The following OR2L13 variants were observed in gnomAD, a reference collection of about 807,000 sequenced individuals.
OR2L13 encodes olfactory receptor family 2 subfamily L member 13.
OR2L13 carries 14 observed loss-of-function variants against 15.3 expected under a neutral mutation model. The ratio of observed to expected loss-of-function variants is 0.91; its 90% confidence interval spans 0.60 to 1.43. OR2L13 has a LOEUF of 1.43. Among genes scored for constraint, OR2L13 ranks in the 40% most tolerant of loss-of-function variants. The probability of loss-of-function intolerance (pLI) is 0.00; values close to 1 mark genes in which losing one functional copy is unlikely to be tolerated. For missense variants in OR2L13, 367 were observed against 387.9 expected (o/e 0.95, Z 0.45); for synonymous variants, 152 against 142.9 (o/e 1.06, Z -0.45).
chr1:248,085,414 A>T, the OR2L13 span, among the ~76,000 whole-genome samples: 1 of 52,618 alleles, frequency 1.9e-5, no homozygotes, highest in African/African-American at 8.5e-5. Flanking sequence ...AAAATAAAAT[A>T]AAATAATAAA....
chr1:248,045,467 C>A, the OR2L13 span, among the ~76,000 whole-genome samples: 1 of 152,124 alleles, frequency 6.6e-6, no homozygotes, highest in Non-Finnish European at 1.5e-5. Context: ...AAAAGTCTTT[C>A]TTTTTTACAG....
the OR2L13 span, among the ~76,000 whole-genome samples, chr1:248,000,123 G>GGTGTGTGTGTGTGTGTGT: frequency 0.057 from 7,897 of 138,028 alleles, 258 homozygotes; most frequent in East Asian, 0.13. Flanking sequence ...TTTTTTTTTT[G>GGTGTGTGTGTGTGTGTGT]GTGTGTGTGT....
the OR2L13 span, chr1:248,004,191 A>AT: frequency 1.3e-6 from 1 of 783,498 alleles, no homozygotes; most frequent in African/African-American, 1.7e-5. Flanking sequence ...AAGAAAAAAA[A>AT]ATCACTGATT....
At chr1:248,021,909 C>T in the OR2L13 span, 1 of 1,531,616 alleles carries the variant, frequency 6.5e-7, no homozygotes. Context: ...CTTGACTTAC[C>T]CTTGTGTCTC....
chr1:248,083,760 A>G, the OR2L13 span: 6 of 1,614,044 alleles, frequency 3.7e-6, no homozygotes, highest in Non-Finnish European at 5.1e-6. Context: ...TAAAGGGGTG[A>G]ACATACTATA....
chr1:248,048,774 C>T, the OR2L13 span, among the ~76,000 whole-genome samples: 4 of 152,076 alleles, frequency 2.6e-5, no homozygotes, highest in Non-Finnish European at 4.4e-5. Context: ...CTTCAGAAGA[C>T]AGGAAGTAAA....
At chr1:247,945,150 A>G in the OR2L13 span, among the ~76,000 whole-genome samples, 1 of 152,122 alleles carries the variant, frequency 6.6e-6, no homozygotes, top group Non-Finnish European at 1.5e-5. Flanking sequence ...ATTTAGTGCC[A>G]TAAGTTTCCC....
At chr1:247,953,959 C>G in the OR2L13 span, among the ~76,000 whole-genome samples, 2 of 151,738 alleles carry the variant, frequency 1.3e-5, no homozygotes, top group South Asian at 4.2e-4. Flanking sequence ...ATTTTTTCTG[C>G]AATTTATCAT....
At chr1:248,036,254 TC>T in the OR2L13 span, among the ~76,000 whole-genome samples, 3 of 152,142 alleles carry the variant, frequency 2.0e-5, no homozygotes, top group Non-Finnish European at 4.4e-5. Context: ...AGTTTTTTTT[TC>T]CTTCTGATAG....
chr1:247,955,650 G>A, the OR2L13 span, among the ~76,000 whole-genome samples: 619 of 139,654 alleles, frequency 4.4e-3, 4 homozygotes, highest in African/African-American at 0.015. Flanking sequence ...TCTAACTGGT[G>A]TGAGATGGTA....
At chr1:248,018,159 A>G in the OR2L13 span, among the ~76,000 whole-genome samples, 22 of 151,142 alleles carry the variant, frequency 1.5e-4, 1 homozygote, top group Admixed American at 1.4e-3. Flanking sequence ...TCTCAAAAAA[A>G]TAAAAAAAAA....
the OR2L13 span, chr1:248,084,433 T>G: frequency 1.5e-5 from 24 of 1,594,300 alleles, no homozygotes; most frequent in Non-Finnish European, 2.0e-5. Context: ...TACATGGGCG[T>G]GTGGAGCCGG....
At chr1:248,069,177 T>A in the OR2L13 span, among the ~76,000 whole-genome samples, 5 of 152,120 alleles carry the variant, frequency 3.3e-5, no homozygotes, top group African/African-American at 1.2e-4. Flanking sequence ...AATTGTCAGA[T>A]TCACTAAAGT....
chr1:248,033,950 G>A, the OR2L13 span, among the ~76,000 whole-genome samples: 30 of 152,108 alleles, frequency 2.0e-4, no homozygotes, highest in Admixed American at 2.6e-4. Flanking sequence ...GTCCCTCTTT[G>A]CTTATAATAT....
chr1:247,945,311 G>C, the OR2L13 span, among the ~76,000 whole-genome samples: 1 of 152,136 alleles, frequency 6.6e-6, no homozygotes, highest in Non-Finnish European at 1.5e-5. Context: ...ATGTAGTTGT[G>C]TGGTTTTGAG....
chr1:247,952,325 A>G, the OR2L13 span, among the ~76,000 whole-genome samples: 1 of 152,160 alleles, frequency 6.6e-6, no homozygotes, highest in Non-Finnish European at 1.5e-5. Flanking sequence ...GAGTGTTTGT[A>G]TCCTCTGAAA....
At chr1:248,018,914 T>C in the OR2L13 span, among the ~76,000 whole-genome samples, 2 of 152,340 alleles carry the variant, frequency 1.3e-5, no homozygotes, top group East Asian at 1.9e-4. Flanking sequence ...TGCCTCTTTG[T>C]GGCTTATTTC....
At chr1:248,010,452 A>G in the OR2L13 span, among the ~76,000 whole-genome samples, 55 of 152,260 alleles carry the variant, frequency 3.6e-4, no homozygotes, top group Non-Finnish European at 6.9e-4. Flanking sequence ...GGCTTGGTGC[A>G]GAGCTGAGCT....
the OR2L13 span, among the ~76,000 whole-genome samples, chr1:248,052,845 GC>G: frequency 1.3e-5 from 2 of 151,540 alleles, no homozygotes; most frequent in Non-Finnish European, 2.9e-5. Flanking sequence ...TTTAGAATGG[GC>G]TTTTCTGTTT....
Sources: gnomAD v4.1 joint callset for allele counts (sites outside exome capture counted in the v4.1 genomes callset) on GRCh38, gnomAD v4.1.1 for gene constraint, MANE v1.5 for transcripts, NCBI Gene and HGNC (gene_info 2026-07-23, HGNC 2026-07-21) for gene names.